CNTN5: variants seen among roughly 807,000 people sequenced by gnomAD.
The protein encoded by CNTN5 is contactin-5.
In CNTN5, 77 loss-of-function variants were observed where a neutral mutation model predicts 129.1. The ratio of observed to expected loss-of-function variants is 0.60; its 90% CI spans 0.50 to 0.72. The LOEUF (loss-of-function observed/expected upper bound fraction) is 0.72, where lower values mean the gene tolerates loss of function less well. Among genes scored for constraint, CNTN5 ranks in the 30% least tolerant of loss-of-function variants. The pLI, the probability that CNTN5 is intolerant of heterozygous loss-of-function variation, is 0.00. For synonymous variants in CNTN5, 509 were observed against 465.6 expected (o/e 1.09, Z -1.20); for missense variants, 1,478 against 1,328.8 (o/e 1.11, Z -1.75).
intron 3 of CNTN5, among the ~76,000 whole-genome samples, chr11:99,817,990 T>A (rs1946649179): frequency 6.6e-6 from 1 of 152,182 alleles, no homozygotes; most frequent in Admixed American, 6.5e-5. Flanking sequence ...CATCTAAAAA[T>A]ATACTTTTTA....
intron 16 of CNTN5, among the ~76,000 whole-genome samples, chr11:100,251,946 C>T (rs1056211389): frequency 5.3e-5 from 8 of 152,040 alleles, no homozygotes; most frequent in Non-Finnish European, 1.0e-4. Flanking sequence ...AGTGGAATTG[C>T]GGGATCACAT....
At chr11:100,135,734 C>T (rs1437008082) in intron 13 of CNTN5, among the ~76,000 whole-genome samples, 1 of 152,108 alleles carries the variant, frequency 6.6e-6, no homozygotes, top group Non-Finnish European at 1.5e-5. Context: ...ACAATTTTAA[C>T]TGTGCTGTTT....
intron 10 of CNTN5, among the ~76,000 whole-genome samples, chr11:100,065,944 G>A (rs571947501): frequency 6.6e-5 from 10 of 151,992 alleles, no homozygotes; most frequent in Admixed American, 1.3e-4. Flanking sequence ...TTTACTCTAG[G>A]AAATGATATA....
At chr11:100,078,085 G>GT (rs1944213825) in intron 13 of CNTN5, among the ~76,000 whole-genome samples, 1 of 151,920 alleles carries the variant, frequency 6.6e-6, no homozygotes, top group African/African-American at 2.4e-5. Flanking sequence ...ACAACTGAAG[G>GT]TTATAGTTCG....
chr11:99,611,904 T>C (rs538536993), intron 3 of CNTN5, among the ~76,000 whole-genome samples: 2 of 152,320 alleles, frequency 1.3e-5, no homozygotes, highest in South Asian at 4.1e-4. Context: ...AATAGAATTC[T>C]ATAATCCTAC....
Position 99,827,579 on chromosome 11 carries a change from A to G in CNTN5, c.277+7814A>G, listed in dbSNP as rs73557526. Among the ~76,000 whole-genome samples the G allele has an allele frequency of 6.4e-3, 982 of 152,366 alleles. 14 individuals are homozygous for G. Among genetic ancestry groups the G allele is most frequent in the African/African-American group, 0.022 (924 of 41,588 alleles). ...AGTAAATTCCAGAAGAAACATGAGC[A>G]GCATATAGTGATAACACATATTTTT... On this transcript the variant is annotated intron_variant, in intron 4 of 24. Coordinates refer to ENST00000524871, the MANE Select transcript of CNTN5 (RefSeq NM_014361.4).
intron 18 of CNTN5, among the ~76,000 whole-genome samples, chr11:100,291,404 T>C (rs1363599016): frequency 6.8e-6 from 1 of 147,908 alleles, no homozygotes; most frequent in Non-Finnish European, 1.5e-5. Context: ...GTGGCACATA[T>C]ACACCATGGA....
intron 21 of CNTN5, among the ~76,000 whole-genome samples, chr11:100,335,923 A>C (rs1952029661): frequency 1.3e-5 from 2 of 152,168 alleles, no homozygotes; most frequent in African/African-American, 4.8e-5. Flanking sequence ...TCAGAAAACC[A>C]AAATAATATG....
rs1945854461 is a variant in CNTN5, at chr11:99,487,237, CATTA to C, written c.-70-68902_-70-68899del. Among the ~76,000 whole-genome samples, 3 of 152,294 alleles carry C rather than the reference CATTA, an allele frequency of 2.0e-5. No homozygotes were observed. In the South Asian group the frequency reaches 6.2e-4, roughly 32 times the overall value. On this transcript the variant is annotated intron_variant, in intron 2 of 24. Coordinates refer to ENST00000524871, the MANE Select transcript of CNTN5 (RefSeq NM_014361.4). ...AAGTGACTATACAGCAAGGCTGACA[CATTA>C]ATTAAAGGGTAGGATGTAAGTGTGA...
At chr11:99,849,378 C>T (rs929026664) in intron 6 of CNTN5, among the ~76,000 whole-genome samples, 5 of 151,104 alleles carry the variant, frequency 3.3e-5, no homozygotes, top group African/African-American at 1.2e-4. Flanking sequence ...TATATATATA[C>T]ACATATGCAT....
rs555346776 is a variant in CNTN5, at chr11:100,323,161, CA to C, written c.2730+14695del. Among the ~76,000 whole-genome samples the C allele has an allele frequency of 3.2e-3, 488 of 152,294 alleles. 3 individuals are homozygous for C. The highest frequency in any genetic ancestry group is 0.011 in the African/African-American group (473 of 41,564). On this transcript the variant is annotated intron_variant, in intron 21 of 24. Coordinates refer to ENST00000524871, the MANE Select transcript of CNTN5 (RefSeq NM_014361.4). Reference sequence around the variant, plus strand: ...AGCATACCTAATGTAACTCTGTCTTCAATGTTTCTCTTGGTCTCTGCCTACA... The same window carrying C: ...AGCATACCTAATGTAACTCTGTCTTCATGTTTCTCTTGGTCTCTGCCTACA...
chr11:100,353,083 A>G lies in CNTN5; in HGVS notation c.3199+2213A>G, dbSNP rs1952450934. Among the ~76,000 whole-genome samples the G allele has an allele frequency of 2.0e-5, 3 of 151,696 alleles. No homozygotes were observed. The South Asian group carries it at 6.2e-4, about 31-fold the overall frequency. On this transcript the variant is annotated intron_variant, in intron 24 of 24. Transcript: ENST00000524871. ...GATTCTATAGTATTATCTGAATAAGATCAGCCTCAACCTTGGAAGTACTTA... is the reference window on the plus strand; with the variant it reads ...GATTCTATAGTATTATCTGAATAAGGTCAGCCTCAACCTTGGAAGTACTTA...
At chr11:100,090,485 CCCTCCTTT>C (rs1199873110) in intron 13 of CNTN5, among the ~76,000 whole-genome samples, 1 of 119,168 alleles carries the variant, frequency 8.4e-6, no homozygotes, top group Non-Finnish European at 1.8e-5. Flanking sequence ...CTCTTTCCCT[CCCTCCTTT>C]CCTCCTTTCC....
At chr11:100,004,089 C>T (rs1356018109) in intron 9 of CNTN5, 4 of 152,170 alleles carry the variant, frequency 2.6e-5, no homozygotes, top group African/African-American at 7.2e-5. Context: ...CCTGAGCATC[C>T]GCGTGGCTCC....
intron 2 of CNTN5, among the ~76,000 whole-genome samples, chr11:99,517,694 T>A (rs1199220664): frequency 6.6e-6 from 1 of 152,110 alleles, no homozygotes; most frequent in Non-Finnish European, 1.5e-5. Context: ...AGTGATAACG[T>A]CACTTCCTTC....
Position 99,784,860 on chromosome 11 carries a change from C to T in CNTN5, c.56-34684C>T, listed in dbSNP as rs539902799. Among the ~76,000 whole-genome samples the T allele has an allele frequency of 8.0e-4, 110 of 137,326 alleles. 1 individual carries two copies. The highest frequency in any genetic ancestry group is 2.7e-3 in the African/African-American group (98 of 36,748). 90.1% of individuals were successfully genotyped at this position (137,326 alleles called of 152,430 possible). A position where few individuals can be genotyped will look rare whatever the true frequency, so the allele number is the denominator to read the frequency against. On this transcript the variant is annotated intron_variant, in intron 3 of 24. Coordinates refer to ENST00000524871, the MANE Select transcript of CNTN5 (RefSeq NM_014361.4). ...TGTTGCCCAGGTTGGAGTACAGTGACGCGATCTCGACTCACTGCAACCTCC... is the reference window on the plus strand; with the variant it reads ...TGTTGCCCAGGTTGGAGTACAGTGATGCGATCTCGACTCACTGCAACCTCC...
intron 8 of CNTN5, among the ~76,000 whole-genome samples, chr11:99,973,496 C>G (rs1428242193): frequency 6.6e-6 from 1 of 152,160 alleles, no homozygotes; most frequent in East Asian, 1.9e-4. Flanking sequence ...TTTTCCTTAT[C>G]ATGCCTTGCA....
chr11:99,577,768 G>A (rs1321283801), intron 3 of CNTN5, among the ~76,000 whole-genome samples: 1 of 151,946 alleles, frequency 6.6e-6, no homozygotes, highest in Non-Finnish European at 1.5e-5. Flanking sequence ...GTTTAAAGAT[G>A]ATTCTGCATT....
At chr11:99,525,574 A>G (rs886951611) in intron 2 of CNTN5, among the ~76,000 whole-genome samples, 17 of 152,234 alleles carry the variant, frequency 1.1e-4, no homozygotes, top group Non-Finnish European at 2.4e-4. Context: ...TTGTTTGGCA[A>G]ATGAGGTGAC....
Sources: gnomAD v4.1 joint callset for allele counts (sites outside exome capture counted in the v4.1 genomes callset) on GRCh38, gnomAD v4.1.1 for gene constraint, MANE v1.5 for transcripts, NCBI Gene and HGNC (gene_info 2026-07-23, HGNC 2026-07-21) for gene names.